The following MERTK variants were observed in gnomAD, a reference collection of about 807,000 sequenced individuals.
MERTK encodes the protein tyrosine-protein kinase Mer.
A neutral mutation model predicts 99.3 loss-of-function variants in MERTK; 69 were observed. That is an observed-to-expected ratio of 0.70 (90% CI 0.57 to 0.85). The LOEUF (loss-of-function observed/expected upper bound fraction) is 0.85. Among genes scored for constraint, MERTK ranks in the 40% least tolerant of loss-of-function variants. MERTK has a pLI of 0.00. For synonymous variants in MERTK, 426 were observed against 467.6 expected (o/e 0.91, Z 1.15); for missense variants, 1,125 against 1,249.4 (o/e 0.90, Z 1.50).
intron 1 of MERTK, among the ~76,000 whole-genome samples, chr2:111,919,282 T>C (rs1684410831): frequency 6.6e-6 from 1 of 151,552 alleles, no homozygotes; most frequent in South Asian, 2.1e-4. Context: ...CACCTTAGAG[T>C]GATCTGTGCC....
chr2:112,001,301 A>G lies in MERTK; in HGVS notation c.1690+15A>G. The stretch of plus-strand genomic sequence containing the variant: ...TGAACTTACCTGTAAGTTGACTTTC[A>G]TTTCCCTTTTTGGCAAAAGTTAAAA... On this transcript the variant is annotated intron_variant, in intron 11 of 18. Transcript: ENST00000295408. 6.2e-7 allele frequency: 1 copy of G among 1,600,486 alleles called. No homozygotes were observed. The highest frequency in any genetic ancestry group is 8.6e-7 in the Non-Finnish European group (1 of 1,167,618).
intron 15 of MERTK, among the ~76,000 whole-genome samples, chr2:112,014,507 A>T (rs1455611492): frequency 6.6e-6 from 1 of 151,304 alleles, no homozygotes; most frequent in African/African-American, 2.4e-5. Context: ...GGGGTGTGGA[A>T]ATTTCATGTT....
chr2:111,977,576 G>A (rs1328324655), intron 7 of MERTK, among the ~76,000 whole-genome samples: 1 of 151,962 alleles, frequency 6.6e-6, no homozygotes, highest in East Asian at 1.9e-4. Flanking sequence ...GAACTTCTGG[G>A]GTCTCTGTAT....
intron 4 of MERTK, among the ~76,000 whole-genome samples, chr2:111,956,294 G>A (rs1000888982): frequency 1.3e-5 from 2 of 152,028 alleles, no homozygotes; most frequent in Non-Finnish European, 2.9e-5. Context: ...AAAGCCCTTG[G>A]TACCAGGATT....
At chr2:112,014,515 G>A (rs897255206) in intron 15 of MERTK, among the ~76,000 whole-genome samples, 3 of 149,300 alleles carry the variant, frequency 2.0e-5, no homozygotes, top group African/African-American at 4.9e-5. Context: ...GAAATTTCAT[G>A]TTATTGTACA....
At chr2:112,019,976 A>G (rs961108136) in intron 16 of MERTK, among the ~76,000 whole-genome samples, 1 of 152,228 alleles carries the variant, frequency 6.6e-6, no homozygotes, top group South Asian at 2.1e-4. Flanking sequence ...CAATGGCTTC[A>G]TTATACAAGA....
chr2:111,909,840 C>A (rs1196829217), intron 1 of MERTK, among the ~76,000 whole-genome samples: 1 of 152,008 alleles, frequency 6.6e-6, no homozygotes, highest in African/African-American at 2.4e-5. Context: ...TCAGTTCGGT[C>A]CGGGAACACT....
At chr2:111,928,933 A>C (rs1002545428) in intron 1 of MERTK, among the ~76,000 whole-genome samples, 187 bp from the exon 2 acceptor site, 25 of 152,246 alleles carry the variant, frequency 1.6e-4, no homozygotes, top group African/African-American at 6.0e-4. Flanking sequence ...TCCAGAGGCG[A>C]GTTTACAAAC....
In MERTK at chr2:111,929,548, T is replaced by C. The variant is rs1490805297; in HGVS notation, c.482+8T>C. ...AATAATCGCTTCCTTCAGGTATGTG[T>C]TCTTTCTTCCTTTTTTATTTTTTTA... On this transcript the variant is annotated splice_region_variant and intron_variant, in intron 2 of 18. Coordinates refer to ENST00000295408, the MANE Select transcript of MERTK (RefSeq NM_006343.3). 14 of 1,570,722 alleles carry C rather than the reference T, an allele frequency of 8.9e-6. No homozygotes were observed. The highest frequency in any genetic ancestry group is 5.5e-5 in the African/African-American group (4 of 72,980).
chr2:112,010,016 G>A lies in MERTK; in HGVS notation c.2029G>A (p.Gly677Arg), dbSNP rs755689637. The A allele has an allele frequency of 1.2e-5, 20 of 1,613,720 alleles. No individual in the cohort carries two copies. Among genetic ancestry groups the A allele is most frequent in the African/African-American group, 6.7e-5 (5 of 74,862 alleles). The change falls in exon 15 of 19, where the codon GGG becomes AGG. Residue 677 changes from glycine to arginine, a missense_variant. Physicochemically the swap from Gly to Arg is moderately radical, Grantham distance 125 (BLOSUM62 -2). Coordinates refer to ENST00000295408, the MANE Select transcript of MERTK (RefSeq NM_006343.3). ...GGTAATTTTACCCTTCATGAAATAC[G>A]GGGACCTGCATACTTACTTACTTTA... ...PMVILPFMKY[G>R]DLHTYLLYSR...
Position 111,940,833 on chromosome 2 carries a change from G to T in MERTK, c.483-4127G>T, listed in dbSNP as rs933679443. 1.3e-5 allele frequency: 12 copies of T among 941,590 alleles called. No homozygotes were observed. The African/African-American group carries it at 1.6e-4, about 12-fold the overall frequency. The allele number at this position is 941,590 out of a possible 1,614,324, so 58.3% of individuals were successfully genotyped here. A position where few individuals can be genotyped will look rare whatever the true frequency, so the allele number is the denominator to read the frequency against. ...GTCGATCTTGAATCTTTAAACGACA[G>T]TTAACATCTCTGAGATACTTTTGAA... On this transcript the variant is annotated intron_variant, in intron 2 of 18. Transcript: ENST00000295408.
chr2:111,964,047 T>TTTTTTTTTTTTTTTTTTTTTTTTG (rs1685310218), intron 4 of MERTK, among the ~76,000 whole-genome samples: 1 of 146,930 alleles, frequency 6.8e-6, no homozygotes, highest in Non-Finnish European at 1.5e-5. Flanking sequence ...TTCTTTCTTT[T>TTTTTTTTTTTTTTTTTTTTTTTTG]TTTTTTTTGC....
intron 8 of MERTK, among the ~76,000 whole-genome samples, chr2:111,993,722 G>C (rs1255066026): frequency 6.6e-6 from 1 of 151,886 alleles, no homozygotes; most frequent in Non-Finnish European, 1.5e-5. Context: ...CCAGAGTTTT[G>C]AAAATTGAGC....
intron 1 of MERTK, among the ~76,000 whole-genome samples, chr2:111,918,908 A>C (rs905139473): frequency 6.6e-6 from 1 of 152,150 alleles, no homozygotes; most frequent in Non-Finnish European, 1.5e-5. Flanking sequence ...GGCATGATGG[A>C]GAAATTAAAC....
intron 2 of MERTK, among the ~76,000 whole-genome samples, chr2:111,930,704 G>T (rs1684655008): frequency 6.6e-6 from 1 of 152,180 alleles, no homozygotes; most frequent in Non-Finnish European, 1.5e-5. Flanking sequence ...GTGGAGGGTT[G>T]TGTGTGACAG....
At chr2:112,021,160 A>G (rs1677338313) in intron 16 of MERTK, among the ~76,000 whole-genome samples, 1 of 151,848 alleles carries the variant, frequency 6.6e-6, no homozygotes, top group African/African-American at 2.4e-5. Flanking sequence ...AGATCATGCC[A>G]CTGCACACCA....
chr2:111,967,248 A>G (rs1245998241), intron 5 of MERTK, among the ~76,000 whole-genome samples: 1 of 152,192 alleles, frequency 6.6e-6, no homozygotes, highest in African/African-American at 2.4e-5. Flanking sequence ...ACTTTTGCCA[A>G]GCTTTTAACT....
At chr2:111,946,940 C>G (rs1236186577) in intron 3 of MERTK, among the ~76,000 whole-genome samples, 1 of 152,148 alleles carries the variant, frequency 6.6e-6, no homozygotes, top group East Asian at 1.9e-4. Context: ...GAGGTGAAAA[C>G]TGATTAATAC....
intron 1 of MERTK, among the ~76,000 whole-genome samples, chr2:111,914,872 G>A (rs550927528): frequency 2.6e-5 from 4 of 152,066 alleles, no homozygotes; most frequent in Non-Finnish European, 4.4e-5. Context: ...ATTTTTGTCT[G>A]GTTTTGGTAT....
Sources: allele counts gnomAD v4.1 joint callset (sites outside exome capture counted in the v4.1 genomes callset), GRCh38; gene constraint gnomAD v4.1.1; transcripts MANE v1.5; gene names NCBI Gene and HGNC (gene_info 2026-07-23, HGNC 2026-07-21).